TMEM164: variants seen among roughly 807,000 people sequenced by gnomAD.
TMEM164 encodes the protein transmembrane protein 164, also known as RP13-360B22.2.
Under a neutral mutation model 18.8 loss-of-function variants are expected in TMEM164, and 4 were observed. The observed-to-expected ratio is 0.21, with a 90% confidence interval of 0.10 to 0.49. TMEM164 has a LOEUF of 0.49. Ranked by LOEUF, TMEM164 falls within the 20% of genes least tolerant of loss-of-function variation. TMEM164 has a pLI of 0.98. For synonymous variants in TMEM164, 86 were observed against 101.7 expected (o/e 0.85, Z 0.93); for missense variants, 108 against 239.9 (o/e 0.45, Z 3.63).
At chrX:110,067,038 G>A (rs1356558404) in intron 2 of TMEM164, among the ~76,000 whole-genome samples, 1 of 110,797 alleles carries the variant, frequency 9.0e-6, no homozygotes, top group Non-Finnish European at 1.9e-5. Context: ...TCCATGCTCA[G>A]AATCTATTTT....
chrX:110,139,064 A>T (rs969480793), intron 4 of TMEM164, among the ~76,000 whole-genome samples: 23 of 112,809 alleles, frequency 2.0e-4, no homozygotes, highest in Admixed American at 1.7e-3. Context: ...AAAGGAAAGC[A>T]GAGAAATAGA....
At chrX:110,153,433 A>G (rs1348764328) in intron 5 of TMEM164, among the ~76,000 whole-genome samples, 2 of 112,168 alleles carry the variant, frequency 1.8e-5, no homozygotes, top group Non-Finnish European at 3.8e-5. Flanking sequence ...TGTGATCTTG[A>G]TCTCATTTAA....
At chrX:110,078,271 T>C (rs759404548) in intron 3 of TMEM164, among the ~76,000 whole-genome samples, 4 of 112,335 alleles carry the variant, frequency 3.6e-5, no homozygotes, top group Non-Finnish European at 5.6e-5. Context: ...TCCAGTTGTA[T>C]TTGAAAACTT....
At chrX:110,116,458 T>C (rs1442274793) in intron 4 of TMEM164, among the ~76,000 whole-genome samples, 2 of 111,523 alleles carry the variant, frequency 1.8e-5, no homozygotes, top group Admixed American at 1.9e-4. Flanking sequence ...GCAAATTGCA[T>C]AGGAAGGAGG....
chrX:110,062,232 A>G (rs1016235962), intron 2 of TMEM164, among the ~76,000 whole-genome samples: 3 of 112,367 alleles, frequency 2.7e-5, no homozygotes, highest in African/African-American at 9.7e-5. Flanking sequence ...TCAGTTGAAA[A>G]GAACACACCA....
At chrX:110,146,189 A>G (rs1055575063) in intron 5 of TMEM164, among the ~76,000 whole-genome samples, 11 of 112,105 alleles carry the variant, frequency 9.8e-5, no homozygotes, top group African/African-American at 3.6e-4. Context: ...CCAGGCAGAT[A>G]GGTGTTCCTG....
At chrX:110,148,675 A>ATT (rs373500523) in intron 5 of TMEM164, among the ~76,000 whole-genome samples, 30 of 67,888 alleles carry the variant, frequency 4.4e-4, no homozygotes, top group Non-Finnish European at 5.9e-4. Context: ...CACCCGGCTC[A>ATT]TTTTTTTTTT....
At position 110,173,537 on chromosome X, in the gene TMEM164, G is replaced by T; in HGVS notation, c.*86G>T. ...ACACCCAGTTCTTGATAAAATCATG[G>T]GAGAGGGCAGTAGGATGTTTGGTGT... On this transcript the variant is annotated 3_prime_UTR_variant, in exon 7 of 7. Coordinates refer to ENST00000372068, the MANE Select transcript of TMEM164 (RefSeq NM_032227.4). 1 of 779,743 alleles carries T rather than the reference G, an allele frequency of 1.3e-6. No homozygotes were observed. Among genetic ancestry groups the T allele is most frequent in the South Asian group, 2.6e-5 (1 of 39,182 alleles). 64.3% of individuals were successfully genotyped at this position (779,743 alleles called of 1,213,427 possible). A position where few individuals can be genotyped will look rare whatever the true frequency, so the allele number is the denominator to read the frequency against.
chrX:110,027,121 T>C (rs1934232739), intron 2 of TMEM164, among the ~76,000 whole-genome samples: 1 of 111,672 alleles, frequency 9.0e-6, no homozygotes. Flanking sequence ...TTTTCTGCCT[T>C]AAAGGATATG....
intron 2 of TMEM164, among the ~76,000 whole-genome samples, chrX:110,015,953 C>T (rs1363348554): frequency 1.8e-5 from 2 of 112,515 alleles, no homozygotes; most frequent in Non-Finnish European, 3.8e-5. Flanking sequence ...GACCCCCAGC[C>T]CTGTGGGGAA....
At chrX:110,053,299 T>G (rs1047366401) in intron 2 of TMEM164, among the ~76,000 whole-genome samples, 1 of 111,568 alleles carries the variant, frequency 9.0e-6, no homozygotes, top group African/African-American at 3.3e-5. Context: ...AGAAGACCTT[T>G]GCTAGCCAGA....
In TMEM164 at chrX:110,173,488, G is replaced by A; in HGVS notation, c.*37G>A. 8.8e-7 allele frequency: 1 copy of A among 1,131,653 alleles called. No homozygotes were observed. Among genetic ancestry groups the A allele is most frequent in the Non-Finnish European group, 1.2e-6 (1 of 836,589 alleles). The allele number at this position is 1,131,653 out of a possible 1,213,427, so 93.3% of individuals were successfully genotyped here. On this transcript the variant is annotated 3_prime_UTR_variant, in exon 7 of 7. Transcript: ENST00000372068. ...TTTTTTTTTTTTCCTCCCTGAGGAA[G>A]CAAGTCGTGACTTGACTTGGAGAAC...
intron 2 of TMEM164, among the ~76,000 whole-genome samples, chrX:110,038,052 A>G (rs1166078065): frequency 2.5e-3 from 229 of 93,309 alleles, no homozygotes; most frequent in Non-Finnish European, 4.3e-3. Context: ...GTGCAGTGGC[A>G]GGATCTCGGC....
chrX:110,124,117 C>CG, intron 4 of TMEM164, among the ~76,000 whole-genome samples: 1 of 70,696 alleles, frequency 1.4e-5, no homozygotes, highest in Admixed American at 2.0e-4. Flanking sequence ...CCTGTAATAA[C>CG]AAATGGAAGG....
At chrX:110,107,888 G>A (rs747389607) in intron 3 of TMEM164, among the ~76,000 whole-genome samples, 2 of 110,355 alleles carry the variant, frequency 1.8e-5, no homozygotes, top group African/African-American at 6.6e-5. Flanking sequence ...TTGAACTCCC[G>A]ACCTCAGGTG....
At chrX:110,170,316 C>G in intron 5 of TMEM164, among the ~76,000 whole-genome samples, 1 of 112,866 alleles carries the variant, frequency 8.9e-6, no homozygotes. Context: ...CACCAGCTAC[C>G]CTGTGTTGTA....
At chrX:110,046,533 T>C (rs1935323318) in intron 2 of TMEM164, 1 of 703,058 alleles carries the variant, frequency 1.4e-6, no homozygotes, top group Non-Finnish European at 1.7e-6. Context: ...ATTAACATTG[T>C]TTCTTCTACT....
intron 2 of TMEM164, chrX:110,046,560 G>A: frequency 1.6e-6 from 1 of 636,107 alleles, no homozygotes; most frequent in Non-Finnish European, 1.9e-6. Flanking sequence ...CCTTCTTTCT[G>A]TTAATAAATG....
intron 5 of TMEM164, among the ~76,000 whole-genome samples, chrX:110,151,860 TC>T (rs2066944177): frequency 9.0e-6 from 1 of 111,467 alleles, no homozygotes; most frequent in Non-Finnish European, 1.9e-5. Flanking sequence ...TGCTCATTGT[TC>T]AATTGTGTTG....
Sources: allele counts gnomAD v4.1 joint callset (sites outside exome capture counted in the v4.1 genomes callset), GRCh38; gene constraint gnomAD v4.1.1; transcripts MANE v1.5; gene names NCBI Gene and HGNC (gene_info 2026-07-23, HGNC 2026-07-21).